ACER1: variants seen among roughly 807,000 people sequenced by gnomAD.
The protein encoded by ACER1 is alkaline ceramidase 1.
A neutral mutation model predicts 24.9 loss-of-function variants in ACER1; 28 were observed. That is an observed-to-expected ratio of 1.13 (90% CI 0.83 to 1.54). The LOEUF (loss-of-function observed/expected upper bound fraction) is 1.54. Ranked by LOEUF, ACER1 falls within the 40% of genes most tolerant of loss-of-function variation. The pLI is 0.00. For synonymous variants in ACER1, 132 were observed against 131.4 expected (o/e 1.00, Z -0.03); for missense variants, 352 against 349.3 (o/e 1.01, Z -0.06).
At chr19:6,339,665 T>G in the ACER1 span, among the ~76,000 whole-genome samples, 1 of 152,076 alleles carries the variant, frequency 6.6e-6, no homozygotes, top group Non-Finnish European at 1.5e-5. Context: ...TTAGGGTTTT[T>G]GTTTTTGTTT....
upstream of ACER1, among the ~76,000 whole-genome samples, chr19:6,336,603 G>A (rs541348134): frequency 2.1e-3 from 321 of 151,806 alleles, 2 homozygotes; most frequent in African/African-American, 7.5e-3. Context: ...GGCGGATCAC[G>A]AGGTCAGGAG....
Position 6,306,568 on chromosome 19 carries a change from A to G in ACER1, c.*146T>C. 1 of 966,738 alleles carries G rather than the reference A, an allele frequency of 1.0e-6. No individual in the cohort carries two copies. Among genetic ancestry groups the G allele is most frequent in the Non-Finnish European group, 1.5e-6 (1 of 671,752 alleles). 59.9% of individuals were successfully genotyped at this position (966,738 alleles called of 1,614,324 possible). Reference sequence around the variant, plus strand: ...CAAAGTCCATCATCTGCCTCAAGGCAGGGCAGCGCAGGACAAGGAGGACAC... The same window carrying G: ...CAAAGTCCATCATCTGCCTCAAGGCGGGGCAGCGCAGGACAAGGAGGACAC... On this transcript the variant is annotated 3_prime_UTR_variant, in exon 6 of 6. Transcript: ENST00000301452.
rs754848053 is a variant in ACER1, at chr19:6,307,273, A to G, written c.506T>C (p.Leu169Pro). The change falls in exon 5 of 6, where the codon CTT becomes CCT. Residue 169 changes from leucine (L) to proline (P), a missense_variant. Transcript: ENST00000301452. ...QEYRKTSNKE[L>P]RHLIEVSVVL... ...CACGGAGACCTCAATCAGGTGCCGA[A>G]GCTCCTTATTGCTGGTCCTAGAGAG... is the stretch of plus-strand genomic sequence containing the variant. The G allele has an allele frequency of 6.2e-7, 1 of 1,613,998 alleles. No homozygotes were observed. Among genetic ancestry groups the G allele is most frequent in the South Asian group, 1.1e-5 (1 of 91,080 alleles).
chr19:6,317,627 A>G (rs1431191243), intron 1 of ACER1, among the ~76,000 whole-genome samples: 1 of 152,234 alleles, frequency 6.6e-6, no homozygotes, highest in Non-Finnish European at 1.5e-5. Context: ...AGCATCCATT[A>G]AAACGTGTCT....
At chr19:6,314,127 A>ATT (rs1491068716) in intron 1 of ACER1, among the ~76,000 whole-genome samples, 1 of 99,766 alleles carries the variant, frequency 1.0e-5, no homozygotes. Flanking sequence ...TATTGTGAAT[A>ATT]TATATATATA....
chr19:6,357,042 C>CT, the ACER1 span, among the ~76,000 whole-genome samples: 9,719 of 124,472 alleles, frequency 0.078, 770 homozygotes, highest in East Asian at 0.22. Flanking sequence ...TGAGCTGAGA[C>CT]TTTTTTTTTT....
the ACER1 span, among the ~76,000 whole-genome samples, chr19:6,356,280 G>A: frequency 4.8e-5 from 7 of 144,344 alleles, no homozygotes; most frequent in African/African-American, 1.9e-4. Flanking sequence ...GCAGCATGCT[G>A]GTTAAGAGTC....
At chr19:6,350,353 T>A in the ACER1 span, among the ~76,000 whole-genome samples, 15 of 151,936 alleles carry the variant, frequency 9.9e-5, no homozygotes, top group Non-Finnish European at 2.2e-4. Context: ...TATACATATG[T>A]AACAAACCTG....
upstream of ACER1, among the ~76,000 whole-genome samples, chr19:6,337,175 C>CAAA (rs56792886): frequency 0.023 from 2,797 of 119,826 alleles, 36 homozygotes; most frequent in Non-Finnish European, 0.037. Context: ...GACTCCCTCT[C>CAAA]AAAAAAAAAA....
intron 1 of ACER1, among the ~76,000 whole-genome samples, chr19:6,320,690 C>T (rs1319617471): frequency 6.6e-6 from 1 of 152,070 alleles, no homozygotes; most frequent in Non-Finnish European, 1.5e-5. Flanking sequence ...GATTCTAGGA[C>T]CAGGCTCTTT....
intron 1 of ACER1, among the ~76,000 whole-genome samples, chr19:6,315,453 C>A (rs2091598856): frequency 6.6e-6 from 1 of 152,024 alleles, no homozygotes; most frequent in Admixed American, 6.6e-5. Context: ...GATCTCGGCT[C>A]ACTGCAAGCT....
Position 6,312,163 on chromosome 19 carries a change from G to A in ACER1, c.336C>T (p.Phe112=). Residue 112 remains phenylalanine (F), a synonymous_variant, in exon 3 of 6, where the codon TTC becomes TTT. Coordinates refer to ENST00000301452, the MANE Select transcript of ACER1 (RefSeq NM_133492.3). ...CCCTGACCCACCTGTTCCCCCCAAGGAAGGAGGGGAAATAGCAGCGGGGCA... is the reference window on the plus strand; with the variant it reads ...CCCTGACCCACCTGTTCCCCCCAAGAAAGGAGGGGAAATAGCAGCGGGGCA... ...IWMPRCYFPS[F]LGGNRSQFIR... The A allele has an allele frequency of 6.2e-7, 1 of 1,613,652 alleles. No individual in the cohort carries two copies.
chr19:6,344,454 A>T, the ACER1 span, among the ~76,000 whole-genome samples: 1 of 151,868 alleles, frequency 6.6e-6, no homozygotes, highest in Non-Finnish European at 1.5e-5. Flanking sequence ...ATAAATAAAT[A>T]AATTTATTTA....
chr19:6,321,926 G>A (rs542641116), intron 1 of ACER1, among the ~76,000 whole-genome samples: 1 of 152,172 alleles, frequency 6.6e-6, no homozygotes, highest in South Asian at 2.1e-4. Context: ...GGGAGTTTTG[G>A]TGCTTGGATC....
the ACER1 span, among the ~76,000 whole-genome samples, chr19:6,355,600 C>T: frequency 1.3e-5 from 2 of 150,126 alleles, no homozygotes; most frequent in African/African-American, 5.0e-5. Context: ...CCAGGCCAGC[C>T]GCCCCGTCCG....
At chr19:6,338,287 C>T (rs2091722747), upstream of ACER1, among the ~76,000 whole-genome samples, 1 of 151,724 alleles carries the variant, frequency 6.6e-6, no homozygotes. Flanking sequence ...CTACTGTGCC[C>T]TGGCCAAAAT....
At chr19:6,349,132 A>AGAAGAAGAAGAAAGAAAGAAGGAAGAAG in the ACER1 span, among the ~76,000 whole-genome samples, 2 of 133,374 alleles carry the variant, frequency 1.5e-5, no homozygotes, top group Non-Finnish European at 3.2e-5. Context: ...AGGAAGAGGA[A>AGAAGAAGAAGAAAGAAAGAAGGAAGAAG]GAAGAAGAAG....
chr19:6,336,791 G>C (rs2091715792), upstream of ACER1, among the ~76,000 whole-genome samples: 1 of 140,950 alleles, frequency 7.1e-6, no homozygotes, highest in Non-Finnish European at 1.5e-5. Flanking sequence ...CTGCACTTCA[G>C]CCCGGGCGAC....
chr19:6,358,869 G>T, the ACER1 span, among the ~76,000 whole-genome samples: 734 of 148,654 alleles, frequency 4.9e-3, 4 homozygotes, highest in African/African-American at 0.017. Flanking sequence ...GGAGGCGGAG[G>T]TTGTGGTGAG....
Sources: allele counts gnomAD v4.1 joint callset (sites outside exome capture counted in the v4.1 genomes callset), GRCh38; gene constraint gnomAD v4.1.1; transcripts MANE v1.5; gene names NCBI Gene and HGNC (gene_info 2026-07-23, HGNC 2026-07-21).